The following ANTXR2 variants were observed in gnomAD, a reference collection of about 807,000 sequenced individuals.
ANTXR2 encodes the protein anthrax toxin receptor 2.
A neutral mutation model predicts 73.7 loss-of-function variants in ANTXR2; 44 were observed. The ratio of observed to expected loss-of-function variants is 0.60; its 90% CI spans 0.47 to 0.77. The LOEUF (loss-of-function observed/expected upper bound fraction) is 0.77, where lower values mean the gene tolerates loss of function less well. ANTXR2 is among the 30% of genes least tolerant of loss of function. The pLI is 0.00. For missense variants in ANTXR2, 604 were observed against 592.5 expected, an observed-to-expected ratio of 1.02 and a Z score of -0.20; for synonymous variants, 217 against 205.9, an observed-to-expected ratio of 1.05 and a Z score of -0.46.
At chr4:80,071,347 G>A (rs1329605097) in intron 2 of ANTXR2, among the ~76,000 whole-genome samples, 2 of 152,150 alleles carry the variant, frequency 1.3e-5, no homozygotes, top group East Asian at 3.8e-4. Context: ...AAAGACATTT[G>A]GAATAGTATT....
chr4:80,009,296 T>TA (rs1382788053), intron 11 of ANTXR2, among the ~76,000 whole-genome samples: 3 of 152,150 alleles, frequency 2.0e-5, no homozygotes, highest in African/African-American at 7.2e-5. Flanking sequence ...AAAAACCACC[T>TA]ACTCATTTTA....
At chr4:80,021,314 A>G (rs1732152423) in intron 10 of ANTXR2, among the ~76,000 whole-genome samples, 1 of 152,142 alleles carries the variant, frequency 6.6e-6, no homozygotes, top group Non-Finnish European at 1.5e-5. Flanking sequence ...TTCTGAAGAA[A>G]TGGGTGCCTT....
intron 10 of ANTXR2, among the ~76,000 whole-genome samples, chr4:80,020,025 T>C (rs1732081958): frequency 6.6e-6 from 1 of 152,108 alleles, no homozygotes; most frequent in Non-Finnish European, 1.5e-5. Flanking sequence ...AAAGAGCTCT[T>C]TTCCAAAATA....
intron 16 of ANTXR2, among the ~76,000 whole-genome samples, chr4:79,915,802 GTCTCTGTC>G (rs1727319777): frequency 2.3e-5 from 2 of 85,664 alleles, no homozygotes; most frequent in South Asian, 4.5e-4. Context: ...TTCTCTCTCT[GTCTCTGTC>G]TCTGTCTCTG....
intron 7 of ANTXR2, among the ~76,000 whole-genome samples, chr4:80,038,952 C>T (rs1733107934): frequency 1.3e-5 from 2 of 152,026 alleles, no homozygotes; most frequent in African/African-American, 4.8e-5. Context: ...TTGAATTATA[C>T]TATACAGCAC....
At chr4:80,061,669 T>G (rs1394365924) in intron 3 of ANTXR2, among the ~76,000 whole-genome samples, 2 of 151,992 alleles carry the variant, frequency 1.3e-5, no homozygotes, top group Non-Finnish European at 2.9e-5. Context: ...TAATGATTTA[T>G]AATTCACTTA....
At chr4:79,929,373 C>T (rs756746548) in intron 16 of ANTXR2, among the ~76,000 whole-genome samples, 36 of 152,000 alleles carry the variant, frequency 2.4e-4, no homozygotes, top group Non-Finnish European at 3.7e-4. Flanking sequence ...ATTAGCCGGG[C>T]GTGGTGGCAG....
At chr4:79,985,024 T>C (rs1415663915) in intron 12 of ANTXR2, among the ~76,000 whole-genome samples, 161 bp from the exon 13 acceptor site, 1 of 152,076 alleles carries the variant, frequency 6.6e-6, no homozygotes, top group Non-Finnish European at 1.5e-5. Context: ...GAATCTTGGA[T>C]TGCCTGTAAC....
At chr4:80,069,162 G>T (rs1258686052) in intron 3 of ANTXR2, among the ~76,000 whole-genome samples, 1 of 152,016 alleles carries the variant, frequency 6.6e-6, no homozygotes, top group South Asian at 2.1e-4. Context: ...TACAGTAACA[G>T]AGAGGCCGGG....
chr4:79,922,242 C>T (rs953892709), intron 16 of ANTXR2, among the ~76,000 whole-genome samples: 4 of 152,042 alleles, frequency 2.6e-5, no homozygotes, highest in African/African-American at 9.7e-5. Context: ...TTCATAGCCA[C>T]AGGGATTTAT....
At chr4:79,925,542 T>C (rs1047642422) in intron 16 of ANTXR2, among the ~76,000 whole-genome samples, 7 of 152,010 alleles carry the variant, frequency 4.6e-5, no homozygotes, top group African/African-American at 1.7e-4. Context: ...AAAAACATAA[T>C]CTCTTTGCTA....
At position 79,904,961 on chromosome 4, in the gene ANTXR2, A is replaced by G. The variant is rs1255369418; in HGVS notation, c.*2468T>C. 2 of 152,184 alleles carry G rather than the reference A, an allele frequency of 1.3e-5. No individual in the cohort carries two copies. Among genetic ancestry groups the G allele is most frequent in the African/African-American group, 4.8e-5 (2 of 41,450 alleles). 9.4% of individuals were successfully genotyped at this position (152,184 alleles called of 1,614,324 possible). A position where few individuals can be genotyped will look rare whatever the true frequency, so the allele number is the denominator to read the frequency against. On this transcript the variant is annotated 3_prime_UTR_variant, in exon 17 of 17. Transcript: ENST00000403729. ...TTCAACTGCTAGTTAGTATAATTGG[A>G]GAAAAGCATAAAACAGATCTGGTTC...
chr4:79,991,775 A>T (rs894979031), intron 12 of ANTXR2, among the ~76,000 whole-genome samples: 3 of 152,018 alleles, frequency 2.0e-5, no homozygotes, highest in East Asian at 1.9e-4. Context: ...ACAGCTATTT[A>T]AAAAAAATGA....
At chr4:80,052,824 T>C (rs1038227806) in intron 7 of ANTXR2, among the ~76,000 whole-genome samples, 3 of 151,624 alleles carry the variant, frequency 2.0e-5, no homozygotes, top group African/African-American at 7.3e-5. Flanking sequence ...AAAAATTAAA[T>C]GTATCCAACA....
rs372815654 is a variant in ANTXR2, at chr4:80,030,690, G to T, written c.866+933C>A. On this transcript the variant is annotated intron_variant, in intron 10 of 16. Coordinates refer to ENST00000403729, the MANE Select transcript of ANTXR2 (RefSeq NM_058172.6). ...CTTGAATATTTAAGTATCCACAAAA[G>T]ATAAATGTTCAAGTCAGCTTAAAAA... 1.5e-4 allele frequency among the ~76,000 whole-genome samples: 23 copies of T among 152,148 alleles called. No homozygotes were observed. In the East Asian group the frequency reaches 1.5e-3, roughly 10 times the overall value.
At chr4:79,974,074 G>C (rs1277040664) in intron 16 of ANTXR2, among the ~76,000 whole-genome samples, 1 of 152,042 alleles carries the variant, frequency 6.6e-6, no homozygotes, top group East Asian at 1.9e-4. Context: ...AAATCCTTGG[G>C]AATCATGTAG....
At chr4:79,964,439 A>C (rs1452085391) in intron 16 of ANTXR2, among the ~76,000 whole-genome samples, 1 of 152,188 alleles carries the variant, frequency 6.6e-6, no homozygotes, top group Non-Finnish European at 1.5e-5. Context: ...GGCCTTTCAA[A>C]AGAGTCCACG....
chr4:79,955,094 A>G (rs1560901656), intron 16 of ANTXR2, among the ~76,000 whole-genome samples: 1 of 152,348 alleles, frequency 6.6e-6, no homozygotes, highest in East Asian at 1.9e-4. Flanking sequence ...AGCAAAATAC[A>G]GCATATCAAA....
At chr4:80,024,175 A>G (rs1365258583) in intron 10 of ANTXR2, among the ~76,000 whole-genome samples, 5 of 152,190 alleles carry the variant, frequency 3.3e-5, no homozygotes, top group Non-Finnish European at 5.9e-5. Context: ...AGGAAGAAGA[A>G]AAAAGGATGA....
Sources: allele counts gnomAD v4.1 joint callset (sites outside exome capture counted in the v4.1 genomes callset), GRCh38; gene constraint gnomAD v4.1.1; transcripts MANE v1.5; gene names NCBI Gene and HGNC (gene_info 2026-07-23, HGNC 2026-07-21).